SAXO1: variants seen among roughly 807,000 people sequenced by gnomAD.
The protein encoded by SAXO1 is 4930500O09Rik.
SAXO1 carries 21 observed loss-of-function variants against 17.5 expected under a neutral mutation model. The ratio of observed to expected loss-of-function variants is 1.20; its 90% CI spans 0.85 to 1.72. SAXO1 has a LOEUF of 1.72. Ranked by LOEUF, SAXO1 falls within the 40% of genes most tolerant of loss-of-function variation. The probability of loss-of-function intolerance (pLI) is 0.00; values close to 1 mark genes in which losing one functional copy is unlikely to be tolerated. For synonymous variants in SAXO1, 274 were observed against 216.5 expected (o/e 1.27, Z -2.33); for missense variants, 843 against 596.0 (o/e 1.41, Z -4.32).
In SAXO1 at chr9:19,027,808, A is replaced by G. The variant is rs1000942963; in HGVS notation, c.38+5063T>C. ...TGGATGGCTTCCAGCCCAACACCCA[A>G]GTTAAGGTAATTGCAGTCACAAACC... On this transcript the variant is annotated intron_variant, in intron 1 of 3. Coordinates refer to ENST00000380534, the MANE Select transcript of SAXO1 (RefSeq NM_153707.4). The G allele has an allele frequency of 8.6e-6, 13 of 1,506,296 alleles. No individual in the cohort carries two copies. The Admixed American group carries it at 2.5e-4, about 29-fold the overall frequency. 93.3% of individuals were successfully genotyped at this position (1,506,296 alleles called of 1,614,324 possible).
At chr9:18,976,767 A>T (rs1469240102) in intron 1 of SAXO1, among the ~76,000 whole-genome samples, 1 of 152,198 alleles carries the variant, frequency 6.6e-6, no homozygotes, top group Admixed American at 6.5e-5. Flanking sequence ...AAAATGTTAA[A>T]AGTCATGGCT....
intron 1 of SAXO1, among the ~76,000 whole-genome samples, chr9:18,990,918 G>A (rs1175600727): frequency 1.3e-5 from 2 of 152,158 alleles, no homozygotes; most frequent in Admixed American, 1.3e-4. Flanking sequence ...CTACATTACA[G>A]TGAGTTGTAT....
At position 19,033,130 on chromosome 9, in the gene SAXO1, C is replaced by T. The variant is rs1047636447; in HGVS notation, c.-222G>A. 10 of 481,696 alleles carry T rather than the reference C, an allele frequency of 2.1e-5. No homozygotes were observed. The Admixed American group carries it at 2.7e-4, about 13-fold the overall frequency. The allele number at this position is 481,696 out of a possible 1,614,324, so 29.8% of individuals were successfully genotyped here. A position where few individuals can be genotyped will look rare whatever the true frequency, so the allele number is the denominator to read the frequency against. On this transcript the variant is annotated 5_prime_UTR_variant, in exon 1 of 4. Transcript: ENST00000380534. ...GGTAGCAGCAGGGGGCTTGCACGCGCGCCAGCCCGGGAGACCTCACCCTGC... is the reference window on the plus strand; with the variant it reads ...GGTAGCAGCAGGGGGCTTGCACGCGTGCCAGCCCGGGAGACCTCACCCTGC...
At chr9:19,042,764 A>G (rs1302865472) in intron 1 of SAXO1, among the ~76,000 whole-genome samples, 1 of 152,212 alleles carries the variant, frequency 6.6e-6, no homozygotes, top group Non-Finnish European at 1.5e-5. Flanking sequence ...CGGGAGGCTG[A>G]GGCAGGAGAA....
At chr9:18,956,509 A>G (rs926779163) in intron 1 of SAXO1, among the ~76,000 whole-genome samples, 3 of 152,166 alleles carry the variant, frequency 2.0e-5, no homozygotes, top group African/African-American at 7.2e-5. Flanking sequence ...TCATGTGGGC[A>G]GTGAAGAGGG....
intron 1 of SAXO1, among the ~76,000 whole-genome samples, chr9:19,011,853 T>TTTTTTTTTTTTTTTTTTTTTTGTTC (rs1834746776): frequency 6.7e-6 from 1 of 150,152 alleles, no homozygotes; most frequent in African/African-American, 2.5e-5. Flanking sequence ...GCATAGATTT[T>TTTTTTTTTTTTTTTTTTTTTTGTTC]TTTTTTTTTT....
intron 1 of SAXO1, among the ~76,000 whole-genome samples, chr9:18,984,918 G>A (rs1436975043): frequency 6.6e-6 from 1 of 152,082 alleles, no homozygotes; most frequent in African/African-American, 2.4e-5. Flanking sequence ...ATTGTTTTGA[G>A]CTGTTGATTT....
In SAXO1 at chr9:18,928,452, T is replaced by G; in HGVS notation, c.1025A>C (p.Asp342Ala). The G allele has an allele frequency of 6.2e-7, 1 of 1,610,906 alleles. No individual in the cohort carries two copies. The highest frequency in any genetic ancestry group is 8.5e-7 in the Non-Finnish European group (1 of 1,178,218). ...CATGCTGGACCACTGCTTGTAGTCA[T>G]CCTTGGTGGTGGAAGAGCCTTCAAA... ...GRFEGSSTTK[D>A]DYKQWSSMRT... Residue 342 changes from aspartate (D) to alanine (A), a missense_variant, in exon 4 of 4, where the codon GAT (aspartate) becomes GCT (alanine). Coordinates refer to ENST00000380534, the MANE Select transcript of SAXO1 (RefSeq NM_153707.4).
rs577951203 is a variant in SAXO1, at chr9:19,000,892, C to A, written c.38+31979G>T. Among the ~76,000 whole-genome samples, 4 of 152,214 alleles carry A rather than the reference C, an allele frequency of 2.6e-5. No individual in the cohort carries two copies. The East Asian group carries it at 7.7e-4, about 29-fold the overall frequency. ...CAATTCAACAACAGCAGCTAACTAT[C>A]CTAAATATATATGCACCCAATACAG... On this transcript the variant is annotated intron_variant, in intron 1 of 3. Coordinates refer to ENST00000380534, the MANE Select transcript of SAXO1 (RefSeq NM_153707.4).
intron 3 of SAXO1, among the ~76,000 whole-genome samples, chr9:18,932,868 A>G (rs546004068): frequency 5.3e-5 from 8 of 152,138 alleles, no homozygotes; most frequent in Admixed American, 3.3e-4. Context: ...ATTTTTATAT[A>G]TTGTTCAGTA....
chr9:19,027,769 G>C, intron 1 of SAXO1: 1 of 1,506,110 alleles, frequency 6.6e-7, no homozygotes, highest in African/African-American at 1.4e-5. Context: ...CGATGCTGGA[G>C]CTTCTGAACC....
intron 1 of SAXO1, among the ~76,000 whole-genome samples, chr9:18,984,328 G>A (rs111258960): frequency 0.019 from 2,938 of 152,320 alleles, 89 homozygotes; most frequent in African/African-American, 0.067. Context: ...TAACAAGAGT[G>A]TCAGCCTGTC....
At chr9:19,022,662 G>C (rs1332779615) in intron 1 of SAXO1, among the ~76,000 whole-genome samples, 2 of 152,146 alleles carry the variant, frequency 1.3e-5, no homozygotes, top group African/African-American at 4.8e-5. Flanking sequence ...CCAGCACTGG[G>C]AGAAACTTAA....
At chr9:19,004,658 T>C (rs985022616) in intron 1 of SAXO1, among the ~76,000 whole-genome samples, 1 of 151,374 alleles carries the variant, frequency 6.6e-6, no homozygotes, top group African/African-American at 2.4e-5. Context: ...CAAGTGGGAG[T>C]TGAACAATGA....
intron 1 of SAXO1, among the ~76,000 whole-genome samples, chr9:18,963,226 G>C (rs1588447128): frequency 6.6e-6 from 1 of 152,318 alleles, no homozygotes; most frequent in African/African-American, 2.4e-5. Context: ...TTGAAGTCAG[G>C]CAGCATGATG....
chr9:19,013,542 T>TTTTC (rs1834844010), intron 1 of SAXO1, among the ~76,000 whole-genome samples: 4 of 113,312 alleles, frequency 3.5e-5, no homozygotes, highest in African/African-American at 1.6e-4. Flanking sequence ...AAGTACGGAT[T>TTTTC]TTTTTTTTTT....
upstream of SAXO1, among the ~76,000 whole-genome samples, chr9:19,037,553 AT>A (rs1017697595): frequency 1.3e-5 from 2 of 151,456 alleles, no homozygotes; most frequent in African/African-American, 4.9e-5. Context: ...CATCCTCCTC[AT>A]TTTTTTCTCT....
chr9:19,028,161 C>A, intron 1 of SAXO1: 1 of 1,439,324 alleles, frequency 6.9e-7, no homozygotes, highest in Non-Finnish European at 9.7e-7. Context: ...CCCGGACTCG[C>A]GGCTGAAGTG....
chr9:18,975,984 G>A (rs958857311), intron 1 of SAXO1, among the ~76,000 whole-genome samples: 2 of 152,176 alleles, frequency 1.3e-5, no homozygotes, highest in African/African-American at 4.8e-5. Context: ...GGCACTACTA[G>A]ACTACTTATC....
Sources: gnomAD v4.1 joint callset for allele counts (sites outside exome capture counted in the v4.1 genomes callset) on GRCh38, gnomAD v4.1.1 for gene constraint, MANE v1.5 for transcripts, NCBI Gene and HGNC (gene_info 2026-07-23, HGNC 2026-07-21) for gene names.